OXR1: variants seen among roughly 807,000 people sequenced by gnomAD.
OXR1 encodes the protein oxidation resistance 1.
OXR1 carries 41 observed loss-of-function variants against 104.6 expected under a neutral mutation model. The observed-to-expected ratio is 0.39, with a 90% confidence interval of 0.31 to 0.51. The LOEUF is 0.51. Among genes scored for constraint, OXR1 ranks in the 20% least tolerant of loss-of-function variants. The probability of loss-of-function intolerance (pLI) is 0.77; values close to 1 mark genes in which losing one functional copy is unlikely to be tolerated. For missense variants in OXR1, 955 were observed against 1,031.9 expected (o/e 0.93, Z 1.02); for synonymous variants, 348 against 348.4 (o/e 1.00, Z 0.01).
At chr8:106,382,432 G>A (rs549635646) in intron 2 of OXR1, among the ~76,000 whole-genome samples, 2 of 152,102 alleles carry the variant, frequency 1.3e-5, no homozygotes, top group Non-Finnish European at 2.9e-5. Flanking sequence ...AAGAGAAATC[G>A]TGGTGTTTCC....
intron 1 of OXR1, among the ~76,000 whole-genome samples, chr8:106,308,962 T>G (rs1813579931): frequency 6.8e-6 from 1 of 147,092 alleles, no homozygotes; most frequent in Admixed American, 6.8e-5. Context: ...GGAGGATTTA[T>G]AAGTTAAATT....
chr8:106,735,991 T>G (rs147357418), intron 11 of OXR1, among the ~76,000 whole-genome samples: 1 of 152,322 alleles, frequency 6.6e-6, no homozygotes, highest in East Asian at 1.9e-4. Flanking sequence ...AGTAATCAAG[T>G]AAAAGTCATA....
intron 2 of OXR1, among the ~76,000 whole-genome samples, chr8:106,433,087 A>C (rs1417863945): frequency 6.6e-6 from 1 of 152,182 alleles, no homozygotes; most frequent in Non-Finnish European, 1.5e-5. Context: ...TGTGCGCGAG[A>C]CCGGAGTTTT....
chr8:106,489,490 A>G (rs192192646), intron 2 of OXR1, among the ~76,000 whole-genome samples: 3 of 152,298 alleles, frequency 2.0e-5, no homozygotes, highest in Admixed American at 2.0e-4. Context: ...CAAACATTTG[A>G]TATTAGTGTA....
chr8:106,397,341 T>G (rs975556059), intron 2 of OXR1, among the ~76,000 whole-genome samples: 23 of 152,150 alleles, frequency 1.5e-4, no homozygotes, highest in African/African-American at 5.3e-4. Context: ...GTCACACCTT[T>G]GAATCTTAAA....
intron 3 of OXR1, among the ~76,000 whole-genome samples, chr8:106,597,701 A>G (rs373345468): frequency 6.6e-6 from 1 of 152,218 alleles, no homozygotes; most frequent in East Asian, 1.9e-4. Context: ...AGGTGAAAAG[A>G]TGAAGCTTAC....
chr8:106,696,669 G>A (rs988420183), intron 7 of OXR1, among the ~76,000 whole-genome samples: 1 of 152,072 alleles, frequency 6.6e-6, no homozygotes, highest in Admixed American at 6.5e-5. Flanking sequence ...ATCCGTAGTG[G>A]TAATATCTCA....
intron 3 of OXR1, chr8:106,618,169 T>C: frequency 6.5e-7 from 1 of 1,536,074 alleles, no homozygotes; most frequent in Non-Finnish European, 8.7e-7. Flanking sequence ...TCAGAAATGT[T>C]CTGCCAGCGC....
intron 2 of OXR1, among the ~76,000 whole-genome samples, chr8:106,507,122 T>C (rs1422259239): frequency 6.6e-6 from 1 of 152,062 alleles, no homozygotes; most frequent in Non-Finnish European, 1.5e-5. Flanking sequence ...ATTCAAGGAA[T>C]AGTGAAAAAG....
At chr8:106,295,870 C>A (rs768132783) in intron 1 of OXR1, among the ~76,000 whole-genome samples, 4 of 152,154 alleles carry the variant, frequency 2.6e-5, no homozygotes, top group Non-Finnish European at 5.9e-5. Flanking sequence ...CTTTGTTGCA[C>A]ATACCTCCAC....
intron 2 of OXR1, among the ~76,000 whole-genome samples, chr8:106,470,125 G>A (rs914035266): frequency 6.6e-6 from 1 of 151,782 alleles, no homozygotes; most frequent in Non-Finnish European, 1.5e-5. Context: ...GTTGGAGGAA[G>A]TATCTCGTGA....
At chr8:106,681,122 T>G (rs1284547816) in intron 4 of OXR1, among the ~76,000 whole-genome samples, 1 of 152,214 alleles carries the variant, frequency 6.6e-6, no homozygotes, top group Non-Finnish European at 1.5e-5. Context: ...GCCAGTAATA[T>G]GAGATGCCAC....
chr8:106,290,673 G>C (rs1043851194), intron 1 of OXR1, among the ~76,000 whole-genome samples: 2 of 152,170 alleles, frequency 1.3e-5, no homozygotes, highest in East Asian at 3.9e-4. Flanking sequence ...CTTACAAATG[G>C]CCAACACACA....
chr8:106,470,273 G>A (rs1005901244), intron 2 of OXR1, among the ~76,000 whole-genome samples: 7 of 151,800 alleles, frequency 4.6e-5, no homozygotes, highest in Non-Finnish European at 1.0e-4. Flanking sequence ...ATCCTATGAA[G>A]TTTGTATATT....
At chr8:106,424,821 T>C (rs750644944) in intron 2 of OXR1, among the ~76,000 whole-genome samples, 1 of 152,090 alleles carries the variant, frequency 6.6e-6, no homozygotes, top group Non-Finnish European at 1.5e-5. Context: ...AAAAATGGTG[T>C]TATTTTTATT....
At chr8:106,688,065 AT>A (rs1268745504) in intron 6 of OXR1, among the ~76,000 whole-genome samples, 2 of 152,156 alleles carry the variant, frequency 1.3e-5, no homozygotes, top group African/African-American at 4.8e-5. Flanking sequence ...TAAATCTCTC[AT>A]TTTTTGAATA....
At chr8:106,462,207 C>G (rs574159102) in intron 2 of OXR1, among the ~76,000 whole-genome samples, 2 of 152,222 alleles carry the variant, frequency 1.3e-5, no homozygotes, top group South Asian at 4.1e-4. Flanking sequence ...GAATTAAAAC[C>G]ATTTAGAGAA....
intron 8 of OXR1, among the ~76,000 whole-genome samples, chr8:106,705,474 A>G (rs1031592602): frequency 5.1e-4 from 78 of 152,150 alleles, no homozygotes; most frequent in African/African-American, 1.8e-3. Context: ...GAGATAGCCA[A>G]TTATTTTTGT....
At chr8:106,456,105 G>A (rs886458811) in intron 2 of OXR1, among the ~76,000 whole-genome samples, 25 of 152,168 alleles carry the variant, frequency 1.6e-4, no homozygotes, top group African/African-American at 3.9e-4. Context: ...GCTTTCCAGC[G>A]GAAATGATCT....
Sources: allele counts gnomAD v4.1 joint callset (sites outside exome capture counted in the v4.1 genomes callset), GRCh38; gene constraint gnomAD v4.1.1; transcripts MANE v1.5; gene names NCBI Gene and HGNC (gene_info 2026-07-23, HGNC 2026-07-21).